The following SDCCAG8 variants were observed in gnomAD, a reference collection of about 807,000 sequenced individuals.
SDCCAG8 encodes SHH signaling and ciliogenesis regulator SDCCAG8, also known as serologically defined colon cancer antigen 8.
A neutral mutation model predicts 101.8 loss-of-function variants in SDCCAG8; 74 were observed. The observed-to-expected ratio is 0.73, with a 90% CI of 0.60 to 0.88. SDCCAG8 has a LOEUF of 0.88. Ranked by LOEUF, SDCCAG8 falls within the 40% of genes least tolerant of loss-of-function variation. The probability of loss-of-function intolerance (pLI) is 0.00; values close to 1 mark genes in which losing one functional copy is unlikely to be tolerated. For synonymous variants in SDCCAG8, 281 were observed against 292.9 expected, an observed-to-expected ratio of 0.96 and a Z score of 0.41; for missense variants, 787 against 822.6, an observed-to-expected ratio of 0.96 and a Z score of 0.53.
chr1:243,480,959 G>T (rs1452439830), intron 16 of SDCCAG8, among the ~76,000 whole-genome samples: 1 of 151,760 alleles, frequency 6.6e-6, no homozygotes, highest in Non-Finnish European at 1.5e-5. Flanking sequence ...GGAACCAGGA[G>T]ACTGAGCTGT....
chr1:243,341,310 A>T, intron 11 of SDCCAG8, 137 bp downstream of exon 11: 1 of 858,598 alleles, frequency 1.2e-6, no homozygotes, highest in South Asian at 1.6e-5. Flanking sequence ...AAGAATAATA[A>T]AAGGCCACCT....
intron 16 of SDCCAG8, among the ~76,000 whole-genome samples, chr1:243,449,667 C>A (rs1234053583): frequency 1.3e-5 from 2 of 152,186 alleles, no homozygotes; most frequent in African/African-American, 4.8e-5. Flanking sequence ...TTCCACATGG[C>A]CCTTAACACA....
At chr1:243,492,448 CCCA>C (rs1159991171) in intron 17 of SDCCAG8, among the ~76,000 whole-genome samples, 17 of 151,258 alleles carry the variant, frequency 1.1e-4, no homozygotes, top group Non-Finnish European at 1.9e-4. Flanking sequence ...ATTACAGGCA[CCCA>C]CCACCACACC....
chr1:243,463,851 A>C (rs1309614548), intron 16 of SDCCAG8, among the ~76,000 whole-genome samples: 1 of 151,950 alleles, frequency 6.6e-6, no homozygotes, highest in African/African-American at 2.4e-5. Context: ...AGTAGGGCAC[A>C]TGGCCACATA....
chr1:243,362,716 C>T (rs1284144453), intron 12 of SDCCAG8, among the ~76,000 whole-genome samples: 2 of 152,170 alleles, frequency 1.3e-5, no homozygotes, highest in East Asian at 1.9e-4. Flanking sequence ...TTTCCAGAGT[C>T]GTGATGATTA....
intron 12 of SDCCAG8, among the ~76,000 whole-genome samples, chr1:243,377,109 C>T (rs1163464331): frequency 6.6e-6 from 1 of 151,990 alleles, no homozygotes; most frequent in East Asian, 1.9e-4. Context: ...TCTTGTGTAT[C>T]TATGTCTCAT....
At chr1:243,357,775 G>A (rs530625469) in intron 12 of SDCCAG8, among the ~76,000 whole-genome samples, 1 of 152,216 alleles carries the variant, frequency 6.6e-6, no homozygotes, top group Admixed American at 6.5e-5. Flanking sequence ...GGCGGGAGAG[G>A]GTCCAGAAAG....
chr1:243,392,596 A>G (rs545708265), intron 13 of SDCCAG8, among the ~76,000 whole-genome samples: 9 of 152,228 alleles, frequency 5.9e-5, no homozygotes, highest in Non-Finnish European at 1.3e-4. Flanking sequence ...GAATAATAAA[A>G]TCCATCTACA....
At chr1:243,333,199 C>G (rs2074753180) in intron 10 of SDCCAG8, among the ~76,000 whole-genome samples, 1 of 152,200 alleles carries the variant, frequency 6.6e-6, no homozygotes, top group African/African-American at 2.4e-5. Flanking sequence ...CCTTTCACCC[C>G]CTCAAGGAAC....
At chr1:243,403,421 GTAA>G (rs2079536253) in intron 13 of SDCCAG8, among the ~76,000 whole-genome samples, 1 of 152,176 alleles carries the variant, frequency 6.6e-6, no homozygotes, top group Admixed American at 6.5e-5. Context: ...GATAACAATA[GTAA>G]TAATACGTAC....
intron 12 of SDCCAG8, among the ~76,000 whole-genome samples, chr1:243,370,907 T>C (rs2077253069): frequency 6.6e-6 from 1 of 152,124 alleles, no homozygotes; most frequent in South Asian, 2.1e-4. Flanking sequence ...ATGTTGCATA[T>C]TTTATTGGGA....
chr1:243,339,291 C>T (rs185080898), intron 10 of SDCCAG8, among the ~76,000 whole-genome samples: 3 of 152,250 alleles, frequency 2.0e-5, no homozygotes, highest in Non-Finnish European at 4.4e-5. Flanking sequence ...TGTTTACCAT[C>T]AGTTATGTAT....
At position 243,416,313 on chromosome 1, in the gene SDCCAG8, A is replaced by T. The variant is rs1160678824; in HGVS notation, c.1744+484A>T. On this transcript the variant is annotated intron_variant, in intron 14 of 17. Transcript: ENST00000366541. This position sits in a 1 kb window ranked among gnomAD's most constrained non-coding sequence, Gnocchi z 4.3. ...CCTAATGAGTTTGCTTCAGCATCCA[A>T]ACTGGAGAAAAGCTTTAGCCATTAA... 6.6e-6 allele frequency among the ~76,000 whole-genome samples: 1 copy of T among 152,220 alleles called. No homozygotes were observed. The highest frequency in any genetic ancestry group is 1.5e-5 in the Non-Finnish European group (1 of 68,038).
intron 15 of SDCCAG8, among the ~76,000 whole-genome samples, chr1:243,418,295 T>C (rs2080748082): frequency 1.3e-5 from 2 of 152,186 alleles, no homozygotes; most frequent in African/African-American, 2.4e-5. Flanking sequence ...TATTTGACAT[T>C]TCAATGTTTA....
chr1:243,389,156 C>G (rs1208780954), intron 13 of SDCCAG8, among the ~76,000 whole-genome samples: 1 of 150,010 alleles, frequency 6.7e-6, no homozygotes, highest in East Asian at 2.0e-4. Flanking sequence ...CCCCTCCCCC[C>G]CCCAAAAAAA....
At chr1:243,290,850 C>T (rs559486649) in intron 5 of SDCCAG8, among the ~76,000 whole-genome samples, 2 of 152,192 alleles carry the variant, frequency 1.3e-5, no homozygotes, top group Non-Finnish European at 2.9e-5. Flanking sequence ...CCCCTGTGCA[C>T]ACCTTTGGCC....
intron 9 of SDCCAG8, among the ~76,000 whole-genome samples, chr1:243,321,893 C>T (rs1251488331): frequency 1.3e-5 from 2 of 152,240 alleles, no homozygotes; most frequent in Admixed American, 1.3e-4. Flanking sequence ...AAGTGATCCA[C>T]CCGCCTCCGC....
Position 243,415,841 on chromosome 1 carries a change from G to A in SDCCAG8, c.1744+12G>A. The A allele has an allele frequency of 3.7e-6, 6 of 1,612,478 alleles. No homozygotes were observed. The highest frequency in any genetic ancestry group is 5.1e-6 in the Non-Finnish European group (6 of 1,179,346). ...GCATGACAAAACTGGTAGGTGGTAG[G>A]GAAAGATTAGAGCCTGGGCACTAGC... On this transcript the variant is annotated intron_variant, in intron 14 of 17. Coordinates refer to ENST00000366541, the MANE Select transcript of SDCCAG8 (RefSeq NM_006642.5).
Position 243,458,669 on chromosome 1 carries a change from G to C in SDCCAG8, c.1986-30345G>C, listed in dbSNP as rs951388149. On this transcript the variant is annotated intron_variant, in intron 16 of 17. Transcript: ENST00000366541. The surrounding 1 kb of genome is among the most constrained non-coding windows in gnomAD (Gnocchi z 4.5). ...GATGCCAAACGTGAACCTGGGCAGT[G>C]TGGCTGCCAATTCTGGGAAGAAGGG... Among the ~76,000 whole-genome samples the C allele has an allele frequency of 6.6e-6, 1 of 152,226 alleles. No individual in the cohort carries two copies. Among genetic ancestry groups the C allele is most frequent in the East Asian group, 1.9e-4 (1 of 5,202 alleles).
Sources: allele counts gnomAD v4.1 joint callset (sites outside exome capture counted in the v4.1 genomes callset), GRCh38; gene constraint gnomAD v4.1.1; non-coding constraint Gnocchi (gnomAD v3.1); transcripts MANE v1.5; gene names NCBI Gene and HGNC (gene_info 2026-07-23, HGNC 2026-07-21).